The following MGAT5 variants were observed in gnomAD, a reference collection of about 807,000 sequenced individuals.
The protein encoded by MGAT5 is alpha-1,6-mannosylglycoprotein 6-beta-N-acetylglucosaminyltransferase A.
Under a neutral mutation model 94.3 loss-of-function variants are expected in MGAT5, and 30 were observed. The observed-to-expected ratio is 0.32, with a 90% CI of 0.24 to 0.43. MGAT5 has a LOEUF of 0.43. Ranked by LOEUF, MGAT5 falls within the 20% of genes least tolerant of loss-of-function variation. The probability of loss-of-function intolerance (pLI) is 1.00; values close to 1 mark genes in which losing one functional copy is unlikely to be tolerated. For missense variants in MGAT5, 691 were observed against 905.5 expected, an observed-to-expected ratio of 0.76 and a Z score of 3.04; for synonymous variants, 310 against 322.9, an observed-to-expected ratio of 0.96 and a Z score of 0.43.
chr2:134,232,479 C>G (rs1681420040), intron 1 of MGAT5, among the ~76,000 whole-genome samples: 1 of 152,176 alleles, frequency 6.6e-6, no homozygotes, highest in African/African-American at 2.4e-5. Context: ...GCTTCTACAT[C>G]TTGAAAAATC....
chr2:134,422,790 G>A lies in MGAT5; in HGVS notation c.1678-13G>A, dbSNP rs772262459. ...AATTGCTTGTGAGACTGAGGTGTTC[G>A]GTTCTTTTCCAGCTGACATCCCAGC... On this transcript the variant is annotated splice_polypyrimidine_tract_variant and intron_variant, in intron 12 of 15. Coordinates refer to ENST00000281923, the MANE Select transcript of MGAT5 (RefSeq NM_002410.5). The A allele has an allele frequency of 2.2e-5, 35 of 1,609,138 alleles. No homozygotes were observed. Among genetic ancestry groups the A allele is most frequent in the Admixed American group, 2.0e-4 (12 of 59,946 alleles).
chr2:134,453,134 A>C lies in MGAT5; in HGVS notation c.*4287A>C, dbSNP rs1355168060. 1 of 152,242 alleles carries C rather than the reference A, an allele frequency of 6.6e-6. No homozygotes were observed. Among genetic ancestry groups the C allele is most frequent in the Non-Finnish European group, 1.5e-5 (1 of 68,040 alleles). 9.4% of individuals were successfully genotyped at this position (152,242 alleles called of 1,614,324 possible). ...GTGTTTCGTAAAACTTGAGAAATAG[A>C]GCTGAGCTCATTCCCTTCCTGTTGA... On this transcript the variant is annotated 3_prime_UTR_variant, in exon 16 of 16. Transcript: ENST00000281923.
At chr2:134,433,215 G>C (rs1023382208) in intron 14 of MGAT5, among the ~76,000 whole-genome samples, 1 of 152,150 alleles carries the variant, frequency 6.6e-6, no homozygotes, top group Non-Finnish European at 1.5e-5. Flanking sequence ...TGTTAAATGT[G>C]TCAGAACTGA....
At chr2:134,349,593 G>A (rs1451227851) in intron 8 of MGAT5, among the ~76,000 whole-genome samples, 5 of 152,186 alleles carry the variant, frequency 3.3e-5, no homozygotes, top group Admixed American at 6.5e-5. Flanking sequence ...GAAGCAAATC[G>A]TATCTGCTGT....
rs866993030 is a variant in MGAT5 at position 134,334,012 on chromosome 2, C to G, written c.574-2205C>G. ...AACCTTAAAAACCCACCTTCCCGCT[C>G]TGTGCTAAGATGTTCATAATTGATT... On this transcript the variant is annotated intron_variant, in intron 4 of 15. Coordinates refer to ENST00000281923, the MANE Select transcript of MGAT5 (RefSeq NM_002410.5). 2.6e-4 allele frequency among the ~76,000 whole-genome samples: 38 copies of G among 148,374 alleles called. 1 individual carries two copies. The Middle Eastern group carries it at 0.019, about 75-fold the overall frequency.
chr2:134,235,161 T>A (rs545676754), intron 1 of MGAT5, among the ~76,000 whole-genome samples: 1 of 152,246 alleles, frequency 6.6e-6, no homozygotes, highest in South Asian at 2.1e-4. Flanking sequence ...GAGGGGTGCC[T>A]GGTCTTTGGT....
intron 2 of MGAT5, among the ~76,000 whole-genome samples, chr2:134,281,117 C>T (rs938063081): frequency 1.3e-5 from 2 of 152,136 alleles, no homozygotes; most frequent in Non-Finnish European, 2.9e-5. Flanking sequence ...GCTGACCCTC[C>T]GATTCATGCT....
At chr2:134,182,589 G>T (rs543115804) in intron 1 of MGAT5, among the ~76,000 whole-genome samples, 1 of 152,194 alleles carries the variant, frequency 6.6e-6, no homozygotes, top group Admixed American at 6.5e-5. Context: ...ACCTGTGTTA[G>T]GAGTACCTAG....
chr2:134,394,715 G>A (rs1390157971), intron 10 of MGAT5, among the ~76,000 whole-genome samples: 2 of 152,178 alleles, frequency 1.3e-5, no homozygotes, highest in Non-Finnish European at 2.9e-5. Context: ...TTCAGAGGAA[G>A]CCCCGTCACA....
intron 11 of MGAT5, among the ~76,000 whole-genome samples, chr2:134,410,828 G>A (rs1683607753): frequency 6.6e-6 from 1 of 152,206 alleles, no homozygotes; most frequent in African/African-American, 2.4e-5. Context: ...AGGAGGCACT[G>A]TGGGTTCTCT....
At chr2:134,163,066 C>T (rs1030173783) in intron 1 of MGAT5, among the ~76,000 whole-genome samples, 6 of 152,010 alleles carry the variant, frequency 3.9e-5, no homozygotes, top group Non-Finnish European at 5.9e-5. Context: ...TAAGACGTGC[C>T]CTGCTCTTGA....
At chr2:134,256,549 A>T (rs763204040) in intron 1 of MGAT5, among the ~76,000 whole-genome samples, 6 of 152,180 alleles carry the variant, frequency 3.9e-5, no homozygotes, top group Non-Finnish European at 7.3e-5. Context: ...ATTGATGAAA[A>T]TCTCATAGGG....
intron 1 of MGAT5, among the ~76,000 whole-genome samples, chr2:134,158,939 G>A (rs531551015): frequency 6.6e-6 from 1 of 152,190 alleles, no homozygotes; most frequent in South Asian, 2.1e-4. Flanking sequence ...TCTGAATTGA[G>A]GTAGACTATA....
intron 10 of MGAT5, among the ~76,000 whole-genome samples, chr2:134,365,313 C>T (rs747773464): frequency 5.9e-5 from 9 of 152,186 alleles, no homozygotes; most frequent in Non-Finnish European, 1.3e-4. Context: ...TAACTCCCTC[C>T]AATGTTGGCT....
At chr2:134,146,748 T>C (rs1471995431) in intron 1 of MGAT5, among the ~76,000 whole-genome samples, 1 of 152,108 alleles carries the variant, frequency 6.6e-6, no homozygotes, top group Admixed American at 6.5e-5. Flanking sequence ...CATTGGCAGC[T>C]GGGTTTCTTT....
chr2:134,428,813 C>G (rs182199765), intron 14 of MGAT5, among the ~76,000 whole-genome samples: 4 of 152,176 alleles, frequency 2.6e-5, no homozygotes, highest in Non-Finnish European at 5.9e-5. Context: ...AATACATGTT[C>G]AGCAATTCTA....
intron 1 of MGAT5, among the ~76,000 whole-genome samples, chr2:134,221,954 G>C (rs34644597): frequency 1.3e-5 from 2 of 152,128 alleles, no homozygotes; most frequent in East Asian, 3.9e-4. Context: ...CTCTAGGAAC[G>C]CTCATTCCTG....
intron 1 of MGAT5, among the ~76,000 whole-genome samples, chr2:134,190,021 T>C (rs1689289325): frequency 6.6e-6 from 1 of 152,224 alleles, no homozygotes; most frequent in Non-Finnish European, 1.5e-5. Context: ...TTTGAGTCTT[T>C]GGAGAATGTG....
Position 134,268,795 on chromosome 2 carries a change from C to T in MGAT5, c.242-1591C>T, listed in dbSNP as rs1186379384. ...AAGCTGAAGTGTTGTTCATGTCCCT[C>T]TTTTACAGGTAAGGAAACAGGAATG... On this transcript the variant is annotated intron_variant, in intron 1 of 15. Coordinates refer to ENST00000281923, the MANE Select transcript of MGAT5 (RefSeq NM_002410.5). The surrounding 1 kb of genome is among the most constrained non-coding windows in gnomAD (Gnocchi z 4.1). Among the ~76,000 whole-genome samples the T allele has an allele frequency of 6.6e-6, 1 of 152,206 alleles. No homozygotes were observed. Among genetic ancestry groups the T allele is most frequent in the Non-Finnish European group, 1.5e-5 (1 of 68,030 alleles).
Sources: allele counts gnomAD v4.1 joint callset (sites outside exome capture counted in the v4.1 genomes callset), GRCh38; gene constraint gnomAD v4.1.1; non-coding constraint Gnocchi (gnomAD v3.1); transcripts MANE v1.5; gene names NCBI Gene and HGNC (gene_info 2026-07-23, HGNC 2026-07-21).